SHROOM3: variants seen among roughly 807,000 people sequenced by gnomAD.
SHROOM3 encodes protein Shroom3.
SHROOM3 carries 47 observed loss-of-function variants against 138.6 expected under a neutral mutation model. That is an observed-to-expected ratio of 0.34 (90% CI 0.27 to 0.43). The LOEUF is 0.43. SHROOM3 is among the 20% of genes least tolerant of loss of function. The pLI, the probability that SHROOM3 is intolerant of heterozygous loss-of-function variation, is 1.00. For missense variants in SHROOM3, 2,491 were observed against 2,596.5 expected, an observed-to-expected ratio of 0.96 and a Z score of 0.88; for synonymous variants, 1,062 against 1,063.3, an observed-to-expected ratio of 1.00 and a Z score of 0.02.
chr4:76,568,671 G>A lies in SHROOM3; in HGVS notation c.323+12908G>A, dbSNP rs138111762. ...TCCCCAGGAGCCTGGCTTCAGGGGT[G>A]CTTCTTGTAGCAGGACCCACCCTTC... On this transcript the variant is annotated intron_variant, in intron 2 of 10. Transcript: ENST00000296043. 3.6e-4 allele frequency among the ~76,000 whole-genome samples: 55 copies of A among 152,284 alleles called. 1 individual carries two copies. In the East Asian group the frequency reaches 9.1e-3, roughly 25 times the overall value.
intron 1 of SHROOM3, among the ~76,000 whole-genome samples, chr4:76,448,155 G>A (rs945636766): frequency 6.6e-6 from 1 of 152,136 alleles, no homozygotes; most frequent in Non-Finnish European, 1.5e-5. Flanking sequence ...TTTGTGGAAT[G>A]AGATTTGTTT....
At chr4:76,744,663 C>T (rs1721371618) in intron 5 of SHROOM3, among the ~76,000 whole-genome samples, 1 of 152,140 alleles carries the variant, frequency 6.6e-6, no homozygotes. Context: ...AATCATTTTT[C>T]TCATCCTTGC....
intron 1 of SHROOM3, among the ~76,000 whole-genome samples, chr4:76,549,297 A>G (rs1733295523): frequency 6.6e-6 from 1 of 152,198 alleles, no homozygotes; most frequent in South Asian, 2.1e-4. Context: ...TTTATCATTC[A>G]TGATAATAAA....
At position 76,749,053 on chromosome 4, in the gene SHROOM3, G is replaced by C; in HGVS notation, c.3790G>C (p.Val1264Leu). 6.2e-7 allele frequency: 1 copy of C among 1,614,006 alleles called. No individual in the cohort carries two copies. Among genetic ancestry groups the C allele is most frequent in the Non-Finnish European group, 8.5e-7 (1 of 1,179,966 alleles). Residue 1264 changes from valine (V) to leucine (L), a missense_variant, in exon 6 of 11, where the codon GTG (valine) becomes CTG (leucine). By Grantham distance (32) the Val-to-Leu change is conservative. Around this residue, in one of 4 missense-constraint regions of SHROOM3, gnomAD observed 1,733 missense variants for 1,661.6 expected, o/e 1.04. Coordinates refer to ENST00000296043, the MANE Select transcript of SHROOM3 (RefSeq NM_020859.4). ...LLGQDSGFGLVKDPCYLAGPG... is the reference protein window; with the variant it reads ...LLGQDSGFGLLKDPCYLAGPG... ...GGGGCAAGACAGTGGCTTTGGTCTTGTGAAGGATCCATGTTATTTGGCTGG... is the reference window on the plus strand; with the variant it reads ...GGGGCAAGACAGTGGCTTTGGTCTTCTGAAGGATCCATGTTATTTGGCTGG...
chr4:76,739,061 C>T lies in SHROOM3; in HGVS notation c.888C>T (p.Leu296=), dbSNP rs777388129. Residue 296 remains leucine (L), a synonymous_variant, in exon 5 of 11, where the codon CTC becomes CTT. Transcript: ENST00000296043. ...ATACTTCTGCTCGAGGTGGCCTCCT[C>T]GAAGGGATGAGGCAGGCAGATATTC... ...MDNTSARGGL[L]EGMRQADIRY... is the part of the protein sequence containing the mutation. 40 of 1,614,060 alleles carry T rather than the reference C, an allele frequency of 2.5e-5. No individual in the cohort carries two copies. The South Asian group carries it at 3.0e-4, about 12-fold the overall frequency.
intron 1 of SHROOM3, among the ~76,000 whole-genome samples, chr4:76,443,023 G>T: frequency 6.6e-6 from 1 of 152,156 alleles, no homozygotes. Flanking sequence ...GTTAAGTTGG[G>T]CTCAGTCTGA....
intron 1 of SHROOM3, among the ~76,000 whole-genome samples, chr4:76,548,997 T>A (rs1475591221): frequency 6.6e-6 from 1 of 152,218 alleles, no homozygotes; most frequent in Non-Finnish European, 1.5e-5. Flanking sequence ...TTTTAGCTGC[T>A]GAAGTAATTG....
intron 2 of SHROOM3, among the ~76,000 whole-genome samples, chr4:76,648,109 C>G (rs1735866369): frequency 6.6e-6 from 1 of 152,074 alleles, no homozygotes; most frequent in African/African-American, 2.4e-5. Flanking sequence ...AGGAGGCTCA[C>G]TTGAGACCAG....
intron 2 of SHROOM3, chr4:76,689,724 G>C (rs1436741838): frequency 2.0e-6 from 2 of 985,646 alleles, no homozygotes; most frequent in African/African-American, 3.5e-5. Flanking sequence ...GGGCGGCTGG[G>C]CACGGAGAGG....
At chr4:76,448,510 C>T (rs1403218753) in intron 1 of SHROOM3, among the ~76,000 whole-genome samples, 6 of 152,134 alleles carry the variant, frequency 3.9e-5, no homozygotes, top group East Asian at 1.9e-4. Context: ...GGAGTTGGTA[C>T]GTAAGCAGCT....
chr4:76,655,632 A>G (rs1163834927), intron 2 of SHROOM3, among the ~76,000 whole-genome samples: 1 of 152,220 alleles, frequency 6.6e-6, no homozygotes, highest in African/African-American at 2.4e-5. Context: ...AAGCTCCAAG[A>G]AAAAACAAGA....
At position 76,759,667 on chromosome 4, in the gene SHROOM3, A is replaced by G. The variant is rs1721932077; in HGVS notation, c.5321A>G (p.Glu1774Gly). The part of the protein sequence containing the change: ...KEMPAEVNEE[E>G]EQADVNEKKA... The stretch of plus-strand genomic sequence containing the variant: ...ATGCCAGCAGAAGTGAATGAGGAAG[A>G]GGAACAGGCAGATGTCAATGAAAAG... The change falls in exon 9 of 11, where the codon GAG becomes GGG. Residue 1774 changes from glutamate (E) to glycine (G), a missense_variant. By Grantham distance (98) the Glu-to-Gly change is moderately conservative. Around this residue, in one of 4 missense-constraint regions of SHROOM3, gnomAD observed 470 missense variants for 595.0 expected, o/e 0.79. Coordinates refer to ENST00000296043, the MANE Select transcript of SHROOM3 (RefSeq NM_020859.4). 3 of 1,614,182 alleles carry G rather than the reference A, an allele frequency of 1.9e-6. No homozygotes were observed. Among genetic ancestry groups the G allele is most frequent in the Non-Finnish European group, 1.7e-6 (2 of 1,180,022 alleles).
rs753102566 is a variant in SHROOM3, at chr4:76,710,233, C to T, written c.401C>T (p.Pro134Leu). Reference protein sequence around the residue: ...FVSPEHLTSGPQHRKAAWSGG... With the variant: ...FVSPEHLTSGLQHRKAAWSGG... Reference sequence around the variant, plus strand: ...AGCCCAGAACACCTCACCTCTGGCCCCCAGCACAGGAAAGCAGCGTGGTCA... The same window carrying T: ...AGCCCAGAACACCTCACCTCTGGCCTCCAGCACAGGAAAGCAGCGTGGTCA... Residue 134 changes from proline to leucine, a missense_variant, in exon 3 of 11, where the codon CCC becomes CTC. By Grantham distance (98) the Pro-to-Leu change is moderately conservative. Transcript: ENST00000296043. The T allele has an allele frequency of 6.2e-7, 1 of 1,614,082 alleles. No individual in the cohort carries two copies. The highest frequency in any genetic ancestry group is 1.1e-5 in the South Asian group (1 of 91,078).
At chr4:76,568,584 T>A (rs537419154) in intron 2 of SHROOM3, among the ~76,000 whole-genome samples, 12 of 152,292 alleles carry the variant, frequency 7.9e-5, no homozygotes, top group Admixed American at 7.8e-4. Context: ...CCTCCTGCCT[T>A]AATGCCCCTG....
chr4:76,632,688 G>A (rs1034841352), intron 2 of SHROOM3, among the ~76,000 whole-genome samples: 8 of 152,116 alleles, frequency 5.3e-5, no homozygotes, highest in African/African-American at 1.9e-4. Context: ...ACGGTAATGA[G>A]GCAGGACTAC....
intron 2 of SHROOM3, chr4:76,709,781 GAC>G (rs1720176700): frequency 3.5e-6 from 1 of 285,986 alleles, no homozygotes; most frequent in African/African-American, 2.2e-5. Context: ...CACCTCGTTT[GAC>G]AGTTTGCTTC....
At position 76,453,162 on chromosome 4, in the gene SHROOM3, G is replaced by A. The variant is rs561538614; in HGVS notation, c.168+16942G>A. Among the ~76,000 whole-genome samples the A allele has an allele frequency of 4.6e-5, 7 of 152,258 alleles. No homozygotes were observed. The East Asian group carries it at 1.4e-3, about 29-fold the overall frequency. ...TAATTTTATAAAGACCTACCTTACT[G>A]TTTTCCACAGTAGCTGCACCATTTT... On this transcript the variant is annotated intron_variant, in intron 1 of 10. Coordinates refer to ENST00000296043, the MANE Select transcript of SHROOM3 (RefSeq NM_020859.4).
intron 1 of SHROOM3, among the ~76,000 whole-genome samples, chr4:76,541,429 G>A (rs1417142437): frequency 1.3e-5 from 2 of 152,188 alleles, no homozygotes; most frequent in Admixed American, 1.3e-4. Context: ...AGCAGAAAAA[G>A]GGGATTGAGG....
intron 1 of SHROOM3, among the ~76,000 whole-genome samples, chr4:76,457,336 ACT>A (rs746072269): frequency 6.0e-5 from 9 of 150,898 alleles, no homozygotes; most frequent in African/African-American, 9.8e-5. Context: ...CTCCTCCCTC[ACT>A]CTCTCCTTCT....
Sources: allele counts gnomAD v4.1 joint callset (sites outside exome capture counted in the v4.1 genomes callset), GRCh38; gene constraint gnomAD v4.1.1; regional missense constraint gnomAD v4.1.1; transcripts MANE v1.5; gene names NCBI Gene and HGNC (gene_info 2026-07-23, HGNC 2026-07-21).